CTNND2: variants seen among roughly 807,000 people sequenced by gnomAD.
CTNND2 encodes the protein catenin delta 2, also known as catenin delta-2.
Under a neutral mutation model 144.4 loss-of-function variants are expected in CTNND2, and 22 were observed. The observed-to-expected ratio is 0.15, with a 90% CI of 0.11 to 0.22. CTNND2 has a LOEUF of 0.22. Among genes scored for constraint, CTNND2 ranks in the 10% least tolerant of loss-of-function variants. The probability of loss-of-function intolerance (pLI) is 1.00; values close to 1 mark genes in which losing one functional copy is unlikely to be tolerated. For missense variants in CTNND2, 1,353 were observed against 1,618.8 expected (o/e 0.84, Z 2.82); for synonymous variants, 751 against 695.6 (o/e 1.08, Z -1.25).
intron 10 of CTNND2, among the ~76,000 whole-genome samples, chr5:11,222,655 A>T (rs1739916476): frequency 6.6e-6 from 1 of 152,120 alleles, no homozygotes; most frequent in Non-Finnish European, 1.5e-5. Context: ...AAAATAAAAA[A>T]ATTAGTATGG....
intron 2 of CTNND2, among the ~76,000 whole-genome samples, chr5:11,704,698 C>T (rs1477567338): frequency 1.3e-5 from 2 of 151,800 alleles, no homozygotes; most frequent in Non-Finnish European, 1.5e-5. Flanking sequence ...AATTTGTCTT[C>T]AGCTTGTTCC....
intron 10 of CTNND2, among the ~76,000 whole-genome samples, chr5:11,233,609 G>A (rs1741280513): frequency 6.6e-6 from 1 of 152,164 alleles, no homozygotes; most frequent in South Asian, 2.1e-4. Flanking sequence ...AACACGACAG[G>A]CAGCCATCTG....
At chr5:11,053,154 G>T (rs1746017389) in intron 16 of CTNND2, among the ~76,000 whole-genome samples, 2 of 152,194 alleles carry the variant, frequency 1.3e-5, no homozygotes. Context: ...TAATCAATTT[G>T]GTCTCATTTG....
At chr5:11,614,988 T>C (rs1272183682) in intron 2 of CTNND2, among the ~76,000 whole-genome samples, 1 of 152,220 alleles carries the variant, frequency 6.6e-6, no homozygotes, top group Non-Finnish European at 1.5e-5. Context: ...TCTCACCATT[T>C]AAACATCATT....
chr5:11,160,266 C>T (rs1299039587), intron 11 of CTNND2, among the ~76,000 whole-genome samples: 1 of 152,188 alleles, frequency 6.6e-6, no homozygotes, highest in African/African-American at 2.4e-5. Flanking sequence ...TGACAACTGG[C>T]TCAACAAGCA....
intron 9 of CTNND2, among the ~76,000 whole-genome samples, chr5:11,333,823 T>C (rs372957639): frequency 6.6e-6 from 1 of 152,142 alleles, no homozygotes. Flanking sequence ...CCTTAGGACG[T>C]CAGCCTGGCT....
At chr5:11,381,732 C>G (rs1281708532) in intron 7 of CTNND2, among the ~76,000 whole-genome samples, 2 of 152,174 alleles carry the variant, frequency 1.3e-5, no homozygotes. Context: ...CTTTGGGAGG[C>G]CGAGGCGGGC....
intron 12 of CTNND2, among the ~76,000 whole-genome samples, chr5:11,135,784 C>T (rs996038103): frequency 9.2e-5 from 14 of 152,186 alleles, no homozygotes; most frequent in Non-Finnish European, 1.6e-4. Flanking sequence ...CACTCTCCTA[C>T]ATGCACTGGC....
At chr5:11,329,477 C>A (rs759898302) in intron 9 of CTNND2, among the ~76,000 whole-genome samples, 1 of 152,132 alleles carries the variant, frequency 6.6e-6, no homozygotes, top group African/African-American at 2.4e-5. Flanking sequence ...CTCTTTAAAG[C>A]CTTATCTCCA....
chr5:11,052,808 T>A (rs1012585966), intron 16 of CTNND2, among the ~76,000 whole-genome samples: 5 of 151,970 alleles, frequency 3.3e-5, no homozygotes, highest in Non-Finnish European at 7.4e-5. Flanking sequence ...GATAAGGGCA[T>A]CTGAGGCAGC....
At chr5:11,836,536 C>CAA (rs764637538) in intron 1 of CTNND2, among the ~76,000 whole-genome samples, 233 of 130,290 alleles carry the variant, frequency 1.8e-3, no homozygotes, top group South Asian at 0.011. Flanking sequence ...GCCAAACTAC[C>CAA]AAAAAAAAAA....
chr5:11,288,226 T>C (rs1371239521), intron 9 of CTNND2, among the ~76,000 whole-genome samples: 2 of 152,172 alleles, frequency 1.3e-5, no homozygotes, highest in Non-Finnish European at 2.9e-5. Flanking sequence ...ATTCCAAAAG[T>C]AACACAAACA....
intron 6 of CTNND2, among the ~76,000 whole-genome samples, chr5:11,385,574 C>T (rs1037709262): frequency 6.6e-6 from 1 of 152,222 alleles, no homozygotes; most frequent in Non-Finnish European, 1.5e-5. Flanking sequence ...ACAGGGCAAT[C>T]ATGATCTCCC....
intron 3 of CTNND2, among the ~76,000 whole-genome samples, chr5:11,496,705 T>C (rs956573747): frequency 2.0e-5 from 3 of 152,338 alleles, no homozygotes; most frequent in East Asian, 1.9e-4. Context: ...CTTGCATCTA[T>C]TGATGCATTA....
Position 11,004,709 on chromosome 5 carries a change from A to G in CTNND2, c.3085-12032T>C, listed in dbSNP as rs183235729. ...ACTGTTTCGTTTTTGCAGAGGTTGC[A>G]GTAAGCTGAGATCATGCCATTACAC... On this transcript the variant is annotated intron_variant, in intron 18 of 21. Transcript: ENST00000304623. 3.3e-5 allele frequency among the ~76,000 whole-genome samples: 5 copies of G among 151,176 alleles called. 1 individual carries two copies. The East Asian group carries it at 9.7e-4, about 29-fold the overall frequency.
intron 16 of CTNND2, among the ~76,000 whole-genome samples, chr5:11,081,298 T>C (rs146716437): frequency 1.8e-3 from 272 of 152,300 alleles, no homozygotes; most frequent in African/African-American, 6.3e-3. Context: ...TATTTCAAAA[T>C]TGCTAAGAGT....
intron 6 of CTNND2, among the ~76,000 whole-genome samples, chr5:11,391,892 A>T (rs1759656980): frequency 6.6e-6 from 1 of 152,234 alleles, no homozygotes. Flanking sequence ...CAACAAACTG[A>T]ACTTAAGTAA....
chr5:10,978,814 G>C (rs2149482679), intron 21 of CTNND2, among the ~76,000 whole-genome samples: 1 of 152,344 alleles, frequency 6.6e-6, no homozygotes, highest in East Asian at 1.9e-4. Flanking sequence ...GCTAGGTGGT[G>C]TTCACACTCA....
At chr5:11,444,648 G>C (rs1286009508) in intron 3 of CTNND2, among the ~76,000 whole-genome samples, 1 of 152,176 alleles carries the variant, frequency 6.6e-6, no homozygotes, top group African/African-American at 2.4e-5. Flanking sequence ...GTTGCAGTGA[G>C]CTGAGATTGT....
Sources: gnomAD v4.1 joint callset for allele counts (sites outside exome capture counted in the v4.1 genomes callset) on GRCh38, gnomAD v4.1.1 for gene constraint, MANE v1.5 for transcripts, NCBI Gene and HGNC (gene_info 2026-07-23, HGNC 2026-07-21) for gene names.